CADM2: variants seen among roughly 807,000 people sequenced by gnomAD.
The protein encoded by CADM2 is immunoglobulin superfamily member 4D.
Under a neutral mutation model 49.8 loss-of-function variants are expected in CADM2, and 12 were observed. The ratio of observed to expected loss-of-function variants is 0.24; its 90% CI spans 0.15 to 0.39. The LOEUF (loss-of-function observed/expected upper bound fraction) is 0.39, where lower values mean the gene tolerates loss of function less well. CADM2 is among the 10% of genes least tolerant of loss of function. The pLI, the probability that CADM2 is intolerant of heterozygous loss-of-function variation, is 1.00. For synonymous variants in CADM2, 214 were observed against 175.4 expected (o/e 1.22, Z -1.74); for missense variants, 378 against 492.3 (o/e 0.77, Z 2.20).
chr3:85,530,910 A>G (rs940088494), intron 1 of CADM2, among the ~76,000 whole-genome samples: 3 of 131,352 alleles, frequency 2.3e-5, no homozygotes, highest in Non-Finnish European at 4.6e-5. Flanking sequence ...ACACACACAC[A>G]CACAAAATTC....
intron 1 of CADM2, among the ~76,000 whole-genome samples, chr3:85,648,223 C>A (rs769301349): frequency 4.6e-4 from 70 of 151,958 alleles, no homozygotes; most frequent in African/African-American, 1.3e-3. Context: ...TATTTAATGT[C>A]TTCCCGTTAT....
chr3:85,202,357 T>G (rs971679026), intron 1 of CADM2, among the ~76,000 whole-genome samples: 1 of 152,178 alleles, frequency 6.6e-6, no homozygotes, highest in African/African-American at 2.4e-5. Context: ...TGAAACTTAT[T>G]TCTTAAATAT....
chr3:85,959,455 A>G (rs1455911675), intron 7 of CADM2, among the ~76,000 whole-genome samples: 2 of 152,016 alleles, frequency 1.3e-5, no homozygotes, highest in East Asian at 2.0e-4. Context: ...GAAAGTTCCA[A>G]CCTGTATTTA....
chr3:84,968,310 A>C (rs2031165590), intron 1 of CADM2, among the ~76,000 whole-genome samples: 1 of 152,020 alleles, frequency 6.6e-6, no homozygotes, highest in African/African-American at 2.4e-5. Flanking sequence ...AAAATGTATT[A>C]GTTCTACGAG....
chr3:85,707,793 A>G (rs1191879534), intron 1 of CADM2, among the ~76,000 whole-genome samples: 1 of 152,100 alleles, frequency 6.6e-6, no homozygotes, highest in Non-Finnish European at 1.5e-5. Context: ...CTAAATTTTA[A>G]TCTTTCTAAC....
chr3:85,331,640 A>T (rs1052702970), intron 1 of CADM2, among the ~76,000 whole-genome samples: 1 of 152,020 alleles, frequency 6.6e-6, no homozygotes, highest in Admixed American at 6.6e-5. Context: ...TACAGACCCA[A>T]CATTGAGATT....
chr3:85,696,247 T>C (rs1289129592), intron 1 of CADM2, among the ~76,000 whole-genome samples: 3 of 152,158 alleles, frequency 2.0e-5, no homozygotes, highest in African/African-American at 7.2e-5. Flanking sequence ...TTTCTTTTTC[T>C]GTGCAGAAAC....
chr3:85,603,290 C>CT (rs913121531), intron 1 of CADM2, among the ~76,000 whole-genome samples: 5 of 151,792 alleles, frequency 3.3e-5, no homozygotes, highest in Non-Finnish European at 7.4e-5. Flanking sequence ...ATTGACAATT[C>CT]TTTTTTTGAA....
intron 5 of CADM2, among the ~76,000 whole-genome samples, chr3:85,910,920 A>C (rs193192687): frequency 6.6e-5 from 10 of 152,206 alleles, no homozygotes; most frequent in Admixed American, 2.0e-4. Flanking sequence ...GAACATGCAT[A>C]TGTCTATTAA....
chr3:85,691,383 C>G (rs2066381960), intron 1 of CADM2, among the ~76,000 whole-genome samples: 1 of 152,182 alleles, frequency 6.6e-6, no homozygotes, highest in Non-Finnish European at 1.5e-5. Context: ...CCATTGTGAA[C>G]AATGTTGCAA....
intron 1 of CADM2, among the ~76,000 whole-genome samples, chr3:85,449,695 A>T (rs2037663788): frequency 6.6e-6 from 1 of 152,080 alleles, no homozygotes; most frequent in Non-Finnish European, 1.5e-5. Context: ...AATGTGGAAA[A>T]CAGACAATCA....
intron 3 of CADM2, among the ~76,000 whole-genome samples, chr3:85,804,952 G>A (rs766709314): frequency 6.6e-6 from 1 of 151,292 alleles, no homozygotes; most frequent in Non-Finnish European, 1.5e-5. Flanking sequence ...TTTTTTTTTG[G>A]TTTTGTTTTG....
chr3:85,727,390 A>C (rs2067746781), intron 2 of CADM2, among the ~76,000 whole-genome samples: 1 of 152,100 alleles, frequency 6.6e-6, no homozygotes, highest in African/African-American at 2.4e-5. Flanking sequence ...CATACAACTA[A>C]TATTGTCATA....
chr3:85,236,999 A>C (rs924627941), intron 1 of CADM2, among the ~76,000 whole-genome samples: 1 of 152,108 alleles, frequency 6.6e-6, no homozygotes, highest in African/African-American at 2.4e-5. Context: ...TTGTTGAATG[A>C]ATAACAATAA....
intron 1 of CADM2, among the ~76,000 whole-genome samples, chr3:85,525,252 C>T (rs1021306212): frequency 2.6e-4 from 40 of 152,146 alleles, no homozygotes; most frequent in African/African-American, 8.7e-4. Flanking sequence ...CTCATGTATT[C>T]AGCATCCAAT....
chr3:86,066,151 G>A (rs2107438457), intron 9 of CADM2, among the ~76,000 whole-genome samples: 1 of 151,708 alleles, frequency 6.6e-6, no homozygotes, highest in Middle Eastern at 3.4e-3. Context: ...TTTTAAAGAA[G>A]TTTACCAAAA....
chr3:85,036,890 G>A (rs1046287765), intron 1 of CADM2, among the ~76,000 whole-genome samples: 4 of 151,492 alleles, frequency 2.6e-5, no homozygotes, highest in Admixed American at 6.6e-5. Flanking sequence ...TGTGGCTCAT[G>A]CCTGTTATAC....
chr3:85,234,803 T>A (rs142464411), intron 1 of CADM2, among the ~76,000 whole-genome samples: 2 of 152,138 alleles, frequency 1.3e-5, no homozygotes, highest in Non-Finnish European at 2.9e-5. Flanking sequence ...TGCAAACATA[T>A]TCACAAACAT....
chr3:84,990,334 T>A (rs2032810653), intron 1 of CADM2, among the ~76,000 whole-genome samples: 1 of 151,724 alleles, frequency 6.6e-6, no homozygotes, highest in African/African-American at 2.4e-5. Context: ...ATCCAATATA[T>A]TTTTATATAA....
Sources: gnomAD v4.1 joint callset for allele counts (sites outside exome capture counted in the v4.1 genomes callset) on GRCh38, gnomAD v4.1.1 for gene constraint, MANE v1.5 for transcripts, NCBI Gene and HGNC (gene_info 2026-07-23, HGNC 2026-07-21) for gene names.